The following MYLK variants were observed in gnomAD, a reference collection of about 807,000 sequenced individuals.
MYLK encodes the protein myosin light chain kinase, smooth muscle.
Under a neutral mutation model 203.4 loss-of-function variants are expected in MYLK, and 106 were observed. The observed-to-expected ratio is 0.52, with a 90% CI of 0.45 to 0.61. MYLK has a LOEUF of 0.61. Ranked by LOEUF, MYLK falls within the 20% of genes least tolerant of loss-of-function variation. The pLI, the probability that MYLK is intolerant of heterozygous loss-of-function variation, is 0.00. For synonymous variants in MYLK, 867 were observed against 959.5 expected (o/e 0.90, Z 1.78); for missense variants, 2,072 against 2,442.3 (o/e 0.85, Z 3.20).
intron 11 of MYLK, among the ~76,000 whole-genome samples, chr3:123,732,210 G>C (rs1388390550): frequency 6.6e-6 from 1 of 151,942 alleles, no homozygotes; most frequent in African/African-American, 2.4e-5. Flanking sequence ...ATTTATCATA[G>C]GTATGTTATA....
chr3:123,682,512 G>A (rs1178802368), intron 19 of MYLK, among the ~76,000 whole-genome samples: 1 of 152,206 alleles, frequency 6.6e-6, no homozygotes. Flanking sequence ...CCACTACCCT[G>A]GGCCTGATTA....
chr3:123,840,804 T>C (rs868450585), intron 2 of MYLK, among the ~76,000 whole-genome samples: 23 of 152,022 alleles, frequency 1.5e-4, no homozygotes, highest in African/African-American at 5.1e-4. Context: ...AGAAAAAAAC[T>C]ACATAATCAT....
chr3:123,740,476 T>C (rs1369630211), intron 5 of MYLK, among the ~76,000 whole-genome samples: 4 of 152,216 alleles, frequency 2.6e-5, no homozygotes, highest in Admixed American at 2.6e-4. Context: ...CCACACCTAC[T>C]CTTGACTGAC....
intron 11 of MYLK, among the ~76,000 whole-genome samples, chr3:123,727,635 A>G (rs1227843087): frequency 6.6e-6 from 1 of 152,176 alleles, no homozygotes; most frequent in African/African-American, 2.4e-5. Context: ...TAGAGACTCT[A>G]CTTGAGGCAA....
At chr3:123,752,585 TC>T (rs2063232853) in intron 4 of MYLK, 47 bp from the exon 5 acceptor site, 7 of 1,539,256 alleles carry the variant, frequency 4.5e-6, no homozygotes, top group Admixed American at 1.9e-5. Context: ...TCATGAGTAC[TC>T]TCTCTGTGTC....
intron 2 of MYLK, among the ~76,000 whole-genome samples, chr3:123,856,466 G>A (rs1189877079): frequency 6.6e-6 from 1 of 152,142 alleles, no homozygotes; most frequent in Non-Finnish European, 1.5e-5. Context: ...AACACAGCCA[G>A]TTTTCCATTT....
At position 123,768,179 on chromosome 3, in the gene MYLK, G is replaced by A. The variant is rs141072616; in HGVS notation, c.166-15641C>T. On this transcript the variant is annotated intron_variant, in intron 4 of 33. Coordinates refer to ENST00000360304, the MANE Select transcript of MYLK (RefSeq NM_053025.4). ...AGCCCTTTGCCCCCAGCTGCAGGACGCAAGCATGAGAGCAGTGCTTATTCC... is the reference window on the plus strand; with the variant it reads ...AGCCCTTTGCCCCCAGCTGCAGGACACAAGCATGAGAGCAGTGCTTATTCC... Among the ~76,000 whole-genome samples the A allele has an allele frequency of 3.6e-3, 555 of 152,346 alleles. 2 individuals carry two copies. Among genetic ancestry groups the A allele is most frequent in the Non-Finnish European group, 5.5e-3 (377 of 68,020 alleles).
At chr3:123,652,245 G>A (rs1265758791) in intron 24 of MYLK, among the ~76,000 whole-genome samples, 1 of 152,078 alleles carries the variant, frequency 6.6e-6, no homozygotes, top group East Asian at 1.9e-4. Context: ...GTTGAGAAAG[G>A]TGAACTGGTT....
chr3:123,878,844 A>G (rs1277025430), intron 1 of MYLK, among the ~76,000 whole-genome samples: 1 of 152,048 alleles, frequency 6.6e-6, no homozygotes, highest in African/African-American at 2.4e-5. Flanking sequence ...CTGCCATCAC[A>G]CCTGGATAAT....
At chr3:123,776,080 C>T (rs1371460182) in intron 4 of MYLK, among the ~76,000 whole-genome samples, 2 of 152,320 alleles carry the variant, frequency 1.3e-5, no homozygotes, top group Middle Eastern at 3.4e-3. Flanking sequence ...CTGCCTCCCA[C>T]CCTCCTGACC....
chr3:123,723,653 C>T (rs2062171985), intron 12 of MYLK, among the ~76,000 whole-genome samples: 1 of 152,204 alleles, frequency 6.6e-6, no homozygotes, highest in African/African-American at 2.4e-5. Context: ...GCTCAGGGCA[C>T]ATCAGAATTG....
chr3:123,799,109 T>C (rs1465571911), intron 3 of MYLK, among the ~76,000 whole-genome samples: 1 of 151,862 alleles, frequency 6.6e-6, no homozygotes, highest in Non-Finnish European at 1.5e-5. Flanking sequence ...CACAGAGAAG[T>C]AAGAAGAAAA....
In MYLK at chr3:123,726,006, T is replaced by C; in HGVS notation, c.1589A>G (p.Asp530Gly). ...CCGTACGGAGCACTGCAGCACAAAA[T>C]CCTGGCCCTCAATAACAGCGCAGTC... ...LKDCAVIEGQ[D>G]FVLQCSVRGT... The change falls in exon 12 of 34, where the codon GAT becomes GGT. Residue 530 changes from aspartate to glycine, a missense_variant. Physicochemically the swap from Asp to Gly is moderately conservative, Grantham distance 94 (BLOSUM62 -1). Coordinates refer to ENST00000360304, the MANE Select transcript of MYLK (RefSeq NM_053025.4). 6.2e-7 allele frequency: 1 copy of C among 1,614,112 alleles called. No homozygotes were observed. The highest frequency in any genetic ancestry group is 8.5e-7 in the Non-Finnish European group (1 of 1,180,022).
chr3:123,809,177 G>T (rs569096698), intron 3 of MYLK, among the ~76,000 whole-genome samples: 2 of 152,270 alleles, frequency 1.3e-5, no homozygotes, highest in Non-Finnish European at 2.9e-5. Context: ...TCAGGGACAG[G>T]GTCTGCTAAC....
rs72970901 is a variant in MYLK at position 123,758,457 on chromosome 3, C to G, written c.166-5919G>C. ...CCAGAATGCAGAGAATTGTTCCTCT[C>G]AATGGCTCAGCAAATGCCATGTGGG... On this transcript the variant is annotated intron_variant, in intron 4 of 33. Transcript: ENST00000360304. Among the ~76,000 whole-genome samples the G allele has an allele frequency of 3.5e-3, 534 of 152,284 alleles. 5 individuals are homozygous for G. The highest frequency in any genetic ancestry group is 0.012 in the African/African-American group (507 of 41,564).
At chr3:123,836,509 C>T (rs148579424) in intron 2 of MYLK, among the ~76,000 whole-genome samples, 26 of 152,284 alleles carry the variant, frequency 1.7e-4, no homozygotes, top group Middle Eastern at 6.8e-3. Context: ...CATCAAGAAA[C>T]ACTTAGAAGT....
At chr3:123,869,091 C>T (rs1245783683) in intron 2 of MYLK, among the ~76,000 whole-genome samples, 1 of 152,126 alleles carries the variant, frequency 6.6e-6, no homozygotes, top group Admixed American at 6.5e-5. Flanking sequence ...AGGCCTCAGT[C>T]TGGGGTGAGC....
At chr3:123,789,022 C>T (rs2064661378) in intron 4 of MYLK, among the ~76,000 whole-genome samples, 1 of 152,072 alleles carries the variant, frequency 6.6e-6, no homozygotes, top group South Asian at 2.1e-4. Context: ...CCCACCATTG[C>T]TCTTTTCATA....
intron 1 of MYLK, among the ~76,000 whole-genome samples, chr3:123,883,921 C>T (rs910488236): frequency 2.6e-5 from 4 of 152,142 alleles, no homozygotes; most frequent in Non-Finnish European, 1.5e-5. Flanking sequence ...GCTTCTCCTC[C>T]GCCCCTCAAA....
Sources: allele counts gnomAD v4.1 joint callset (sites outside exome capture counted in the v4.1 genomes callset), GRCh38; gene constraint gnomAD v4.1.1; transcripts MANE v1.5; gene names NCBI Gene and HGNC (gene_info 2026-07-23, HGNC 2026-07-21).